The following TTC17 variants were observed in gnomAD, a reference collection of about 807,000 sequenced individuals.
TTC17 encodes tetratricopeptide repeat protein 17.
A neutral mutation model predicts 143.8 loss-of-function variants in TTC17; 58 were observed. The ratio of observed to expected loss-of-function variants is 0.40; its 90% CI spans 0.33 to 0.50. The LOEUF (loss-of-function observed/expected upper bound fraction) is 0.50. TTC17 is among the 20% of genes least tolerant of loss of function. The probability of loss-of-function intolerance (pLI) is 0.49; values close to 1 mark genes in which losing one functional copy is unlikely to be tolerated. For missense variants in TTC17, 1,273 were observed against 1,392.5 expected (o/e 0.91, Z 1.37); for synonymous variants, 501 against 497.8 (o/e 1.01, Z -0.09).
At chr11:43,435,878 A>G (rs1053528379) in intron 16 of TTC17, among the ~76,000 whole-genome samples, 1 of 152,244 alleles carries the variant, frequency 6.6e-6, no homozygotes, top group African/African-American at 2.4e-5. Flanking sequence ...CATGGCCATT[A>G]TGAATGGAAC....
chr11:43,360,973 T>C (rs1177565846), intron 1 of TTC17, among the ~76,000 whole-genome samples: 1 of 152,238 alleles, frequency 6.6e-6, no homozygotes, highest in African/African-American at 2.4e-5. Flanking sequence ...TACAATGTTA[T>C]GTTCAGGCAG....
At chr11:43,362,816 A>G (rs1590297190) in intron 1 of TTC17, among the ~76,000 whole-genome samples, 1 of 152,114 alleles carries the variant, frequency 6.6e-6, no homozygotes, top group Non-Finnish European at 1.5e-5. Flanking sequence ...CCCAATTTTT[A>G]GGTTATGTTT....
chr11:43,457,039 G>A (rs754256786), intron 21 of TTC17, among the ~76,000 whole-genome samples: 4 of 152,090 alleles, frequency 2.6e-5, no homozygotes, highest in Non-Finnish European at 5.9e-5. Flanking sequence ...AGACTGAAGT[G>A]AGCTGGGGAT....
At chr11:43,360,020 A>G (rs968436457) in intron 1 of TTC17, among the ~76,000 whole-genome samples, 3 of 152,240 alleles carry the variant, frequency 2.0e-5, no homozygotes, top group Non-Finnish European at 4.4e-5. Flanking sequence ...TGAAGTGTCT[A>G]GCAAACATTT....
At chr11:43,472,498 G>A (rs146779744) in intron 21 of TTC17, among the ~76,000 whole-genome samples, 2 of 152,170 alleles carry the variant, frequency 1.3e-5, no homozygotes, top group African/African-American at 4.8e-5. Flanking sequence ...GATATAGAAA[G>A]TTGTAAATTT....
rs766156231 is a variant in TTC17, at chr11:43,448,085, G to A, written c.2749G>A (p.Val917Met). 1.8e-5 allele frequency: 29 copies of A among 1,614,154 alleles called. No homozygotes were observed. The highest frequency in any genetic ancestry group is 2.0e-5 in the Non-Finnish European group (24 of 1,179,996). The part of the protein sequence containing the change: ...KLRWVELTAI[V>M]STWLAVSSKN... ...CCGCTGGGTAGAGCTGACTGCCATC[G>A]TGAGTACCTGGCTTGCAGTTTCTTC... The change falls in exon 19 of 24, where the codon GTG (valine) becomes ATG (methionine). Residue 917 changes from valine (V) to methionine (M), a missense_variant. This residue lies in a region of TTC17 where 878 missense variants were observed against 899.8 expected (regional missense o/e 0.98). Coordinates refer to ENST00000039989, the MANE Select transcript of TTC17 (RefSeq NM_018259.6).
At chr11:43,429,601 T>C (rs531605896) in intron 16 of TTC17, among the ~76,000 whole-genome samples, 1 of 152,318 alleles carries the variant, frequency 6.6e-6, no homozygotes, top group East Asian at 1.9e-4. Flanking sequence ...CAGATTATAT[T>C]TTACTAGAGA....
At chr11:43,486,509 AT>A in intron 21 of TTC17, 1 of 406,488 alleles carries the variant, frequency 2.5e-6, no homozygotes. Context: ...ACTAATGTAT[AT>A]TGTTGAGTCA....
chr11:43,484,416 C>T (rs1443035864), intron 21 of TTC17, among the ~76,000 whole-genome samples: 7 of 152,054 alleles, frequency 4.6e-5, no homozygotes, highest in South Asian at 4.2e-4. Flanking sequence ...TCAAGACCTC[C>T]GTGCAGCAAG....
At chr11:43,397,608 G>A (rs1294327864) in intron 7 of TTC17, 117 bp downstream of exon 7, 1 of 1,196,026 alleles carries the variant, frequency 8.4e-7, no homozygotes, top group South Asian at 2.0e-5. Flanking sequence ...TCTGAACGAT[G>A]GAAATGAAAT....
At chr11:43,359,267 C>G (rs1337341387) in intron 1 of TTC17, 154 bp downstream of exon 1, 2 of 948,392 alleles carry the variant, frequency 2.1e-6, no homozygotes, top group Non-Finnish European at 3.0e-6. Context: ...TGCATTCGGA[C>G]CAGGCAGGCA....
At chr11:43,437,575 C>T (rs1382018336) in intron 16 of TTC17, among the ~76,000 whole-genome samples, 1 of 152,084 alleles carries the variant, frequency 6.6e-6, no homozygotes, top group African/African-American at 2.4e-5. Flanking sequence ...GCCTTTCTTA[C>T]CTCATTTATT....
At chr11:43,361,727 C>G (rs1230630501) in intron 1 of TTC17, among the ~76,000 whole-genome samples, 1 of 152,158 alleles carries the variant, frequency 6.6e-6, no homozygotes, top group Non-Finnish European at 1.5e-5. Context: ...CAAATTCTTG[C>G]TGCTTATTCT....
In TTC17 at chr11:43,388,008, T is replaced by C. The variant is rs138564980; in HGVS notation, c.250-1644T>C. Among the ~76,000 whole-genome samples the C allele has an allele frequency of 9.3e-4, 141 of 152,380 alleles. 1 individual carries two copies. The Middle Eastern group carries it at 0.014, about 15-fold the overall frequency. On this transcript the variant is annotated intron_variant, in intron 2 of 23. Coordinates refer to ENST00000039989, the MANE Select transcript of TTC17 (RefSeq NM_018259.6). ...TCTACTGGGACAATTCTAATTGTTA[T>C]AATCACTGTGAAAAGCAGATTGACA... is the stretch of plus-strand genomic sequence containing the variant.
At chr11:43,397,607 T>C in intron 7 of TTC17, 116 bp downstream of exon 7, 1 of 1,214,236 alleles carries the variant, frequency 8.2e-7, no homozygotes, top group Non-Finnish European at 1.1e-6. Flanking sequence ...GTCTGAACGA[T>C]GGAAATGAAA....
intron 1 of TTC17, among the ~76,000 whole-genome samples, chr11:43,376,546 T>C (rs1355738493): frequency 6.6e-6 from 1 of 152,230 alleles, no homozygotes. Flanking sequence ...AGATCTTGTG[T>C]GTTCATTATG....
At chr11:43,412,117 G>C (rs1004427424) in intron 15 of TTC17, among the ~76,000 whole-genome samples, 5 of 152,114 alleles carry the variant, frequency 3.3e-5, no homozygotes, top group African/African-American at 1.2e-4. Flanking sequence ...AATACTTTGG[G>C]CTGCTTATGA....
intron 15 of TTC17, among the ~76,000 whole-genome samples, chr11:43,411,116 A>G (rs1472549855): frequency 6.6e-6 from 1 of 152,212 alleles, no homozygotes; most frequent in East Asian, 1.9e-4. Context: ...GGCTCTCCAT[A>G]GAACTCACGG....
At chr11:43,385,332 A>C (rs1360575540) in intron 2 of TTC17, among the ~76,000 whole-genome samples, 2 of 152,206 alleles carry the variant, frequency 1.3e-5, no homozygotes, top group Non-Finnish European at 2.9e-5. Context: ...AAAGGAAATA[A>C]TTTACAAAGT....
Sources: allele counts gnomAD v4.1 joint callset (sites outside exome capture counted in the v4.1 genomes callset), GRCh38; gene constraint gnomAD v4.1.1; regional missense constraint gnomAD v4.1.1; transcripts MANE v1.5; gene names NCBI Gene and HGNC (gene_info 2026-07-23, HGNC 2026-07-21).